The following FANK1 variants were observed in gnomAD, a reference collection of about 807,000 sequenced individuals.
FANK1 encodes the protein fibronectin type III and ankyrin repeat domains 1.
A neutral mutation model predicts 45.3 loss-of-function variants in FANK1; 44 were observed. The observed-to-expected ratio is 0.97, with a 90% CI of 0.76 to 1.25. The LOEUF (loss-of-function observed/expected upper bound fraction) is 1.25, where lower values mean the gene tolerates loss of function less well. Ranked by LOEUF, FANK1 falls within the 50% of genes most tolerant of loss-of-function variation. The pLI is 0.00. For missense variants in FANK1, 391 were observed against 424.4 expected, an observed-to-expected ratio of 0.92 and a Z score of 0.69; for synonymous variants, 149 against 152.5, an observed-to-expected ratio of 0.98 and a Z score of 0.17.
At chr10:126,001,146 C>A (rs557704585) in intron 6 of FANK1, among the ~76,000 whole-genome samples, 2 of 152,082 alleles carry the variant, frequency 1.3e-5, no homozygotes, top group Non-Finnish European at 2.9e-5. Context: ...AATGCAAATA[C>A]GATTAGTAAG....
chr10:125,932,637 G>A (rs1179099032), intron 1 of FANK1, among the ~76,000 whole-genome samples: 1 of 152,134 alleles, frequency 6.6e-6, no homozygotes, highest in Non-Finnish European at 1.5e-5. Flanking sequence ...GGGTTTTCAA[G>A]GTAAACAGTC....
At chr10:125,988,082 G>A (rs951418685) in intron 2 of FANK1, among the ~76,000 whole-genome samples, 2 of 152,132 alleles carry the variant, frequency 1.3e-5, no homozygotes, top group African/African-American at 2.4e-5. Flanking sequence ...TATGGACTAC[G>A]AGCAATCTTG....
rs1477727498 is a variant in FANK1 at position 125,921,352 on chromosome 10, A to G, written c.13+24697A>G. ...CTGGCTACTTTCATGTACTGTATCA[A>G]CAGTTATTCCTTTTTATTGCCAAAT... On this transcript the variant is annotated intron_variant, in intron 1 of 10. Coordinates refer to ENST00000368693, the MANE Select transcript of FANK1 (RefSeq NM_145235.5). Among the ~76,000 whole-genome samples, 9 of 152,174 alleles carry G rather than the reference A, an allele frequency of 5.9e-5. No homozygotes were observed. The East Asian group carries it at 1.7e-3, about 30-fold the overall frequency.
At chr10:125,928,256 C>T (rs1271667996) in intron 1 of FANK1, among the ~76,000 whole-genome samples, 1 of 115,966 alleles carries the variant, frequency 8.6e-6, no homozygotes, top group Non-Finnish European at 1.8e-5. Flanking sequence ...GTGGATTATT[C>T]GTGCCTTTTT....
At chr10:125,911,689 T>G (rs578174019) in intron 1 of FANK1, among the ~76,000 whole-genome samples, 236 of 152,330 alleles carry the variant, frequency 1.5e-3, no homozygotes, top group Non-Finnish European at 1.9e-3. Flanking sequence ...CCTCCTCAAC[T>G]CAATGTGTTA....
chr10:125,980,329 T>C lies in FANK1; in HGVS notation c.182T>C (p.Ile61Thr), dbSNP rs1195575912. The C allele has an allele frequency of 6.2e-7, 1 of 1,613,352 alleles. No homozygotes were observed. Among genetic ancestry groups the C allele is most frequent in the Non-Finnish European group, 8.5e-7 (1 of 1,179,870 alleles). Residue 61 changes from isoleucine to threonine, a missense_variant, in exon 2 of 11, where the codon ATC becomes ACC. Ile to Thr is a moderately conservative substitution (Grantham distance 89). Coordinates refer to ENST00000368693, the MANE Select transcript of FANK1 (RefSeq NM_145235.5). ...EEDPKMHTYG[I>T]IYTGYATKHV... ...GACCCCAAAATGCACACTTATGGTA[T>C]CATTTATACGTAGGTGCAGTGTTGA... is the stretch of plus-strand genomic sequence containing the variant.
At chr10:125,912,408 TTTTA>T (rs1946088315) in intron 1 of FANK1, among the ~76,000 whole-genome samples, 1 of 151,894 alleles carries the variant, frequency 6.6e-6, no homozygotes, top group Admixed American at 6.6e-5. Context: ...CATTTCTCCA[TTTTA>T]TTTTTGTTTC....
At chr10:125,911,160 G>A (rs1358374669) in intron 1 of FANK1, among the ~76,000 whole-genome samples, 2 of 152,178 alleles carry the variant, frequency 1.3e-5, no homozygotes, top group Non-Finnish European at 2.9e-5. Context: ...CATCCAGGTG[G>A]GCACGATGGA....
chr10:125,955,101 T>G (rs1251273913), intron 1 of FANK1, among the ~76,000 whole-genome samples: 4 of 151,826 alleles, frequency 2.6e-5, no homozygotes, highest in South Asian at 2.1e-4. Flanking sequence ...GCTCAAAGTT[T>G]TTTTTTTTTT....
chr10:125,960,060 A>G (rs1949822422), intron 1 of FANK1: 2 of 154,418 alleles, frequency 1.3e-5, no homozygotes, highest in African/African-American at 2.4e-5. Context: ...AATTTTGGTT[A>G]TAGGACAAGG....
At chr10:125,956,824 G>A (rs755913439) in intron 1 of FANK1, among the ~76,000 whole-genome samples, 13 of 152,244 alleles carry the variant, frequency 8.5e-5, no homozygotes, top group Non-Finnish European at 1.6e-4. Context: ...TTATAGATTT[G>A]TATAATAAGG....
chr10:125,933,266 C>CT (rs1380093460), intron 1 of FANK1, among the ~76,000 whole-genome samples: 9 of 151,214 alleles, frequency 6.0e-5, no homozygotes, highest in South Asian at 4.2e-4. Context: ...TGGTCCTAGA[C>CT]TTTTTTTTTG....
chr10:125,901,082 G>T (rs1220471678), intron 1 of FANK1, among the ~76,000 whole-genome samples: 1 of 151,462 alleles, frequency 6.6e-6, no homozygotes, highest in African/African-American at 2.4e-5. Context: ...AGCCAGGACT[G>T]CCTACTGGGC....
Position 125,996,559 on chromosome 10 carries a change from G to T in FANK1, c.408G>T (p.Lys136Asn). 1 of 1,614,164 alleles carries T rather than the reference G, an allele frequency of 6.2e-7. No individual in the cohort carries two copies. The highest frequency in any genetic ancestry group is 8.5e-7 in the Non-Finnish European group (1 of 1,180,026). ...LVRILQGGRVKVDVPNKFGFT... is the reference protein window; with the variant it reads ...LVRILQGGRVNVDVPNKFGFT... Reference sequence around the variant, plus strand: ...CTCTGCTTTTCCCAAGCCGTGTTAAGGTTGATGTTCCCAATAAGTTTGGCT... The same window carrying T: ...CTCTGCTTTTCCCAAGCCGTGTTAATGTTGATGTTCCCAATAAGTTTGGCT... The change falls in exon 5 of 11, where the codon AAG (lysine) becomes AAT (asparagine). Residue 136 changes from lysine to asparagine, a missense_variant. Coordinates refer to ENST00000368693, the MANE Select transcript of FANK1 (RefSeq NM_145235.5).
At chr10:125,948,419 A>G (rs138855159) in intron 1 of FANK1, among the ~76,000 whole-genome samples, 2 of 152,136 alleles carry the variant, frequency 1.3e-5, no homozygotes, top group Non-Finnish European at 2.9e-5. Context: ...AATAAAAAAT[A>G]ATAAAGGGGA....
chr10:126,000,318 G>A (rs1267827448), intron 6 of FANK1, among the ~76,000 whole-genome samples: 1 of 152,128 alleles, frequency 6.6e-6, no homozygotes, highest in Non-Finnish European at 1.5e-5. Flanking sequence ...GGAAGAATGT[G>A]GAAGGACTTG....
intron 1 of FANK1, among the ~76,000 whole-genome samples, chr10:125,922,680 A>G (rs1947029446): frequency 6.6e-6 from 1 of 152,010 alleles, no homozygotes; most frequent in Non-Finnish European, 1.5e-5. Context: ...ATGCCCAGCT[A>G]ATTTTTGTAT....
intron 1 of FANK1, among the ~76,000 whole-genome samples, chr10:125,957,650 G>T (rs768591482): frequency 2.0e-5 from 3 of 151,776 alleles, no homozygotes; most frequent in Non-Finnish European, 2.9e-5. Flanking sequence ...TCAGCCTCCC[G>T]AGAAGCTGGG....
chr10:125,924,670 G>C (rs1457525074), intron 1 of FANK1, among the ~76,000 whole-genome samples: 3 of 151,954 alleles, frequency 2.0e-5, no homozygotes, highest in African/African-American at 7.2e-5. Context: ...TTAGCCTGGC[G>C]TGGTGGTGTG....
Sources: gnomAD v4.1 joint callset for allele counts (sites outside exome capture counted in the v4.1 genomes callset) on GRCh38, gnomAD v4.1.1 for gene constraint, MANE v1.5 for transcripts, NCBI Gene and HGNC (gene_info 2026-07-23, HGNC 2026-07-21) for gene names.